ROBO4: variants seen among roughly 807,000 people sequenced by gnomAD.
ROBO4 encodes the protein roundabout guidance receptor 4.
ROBO4 carries 80 observed loss-of-function variants against 103.3 expected under a neutral mutation model. The observed-to-expected ratio is 0.77, with a 90% CI of 0.65 to 0.93. The LOEUF (loss-of-function observed/expected upper bound fraction) is 0.93. ROBO4 is among the 40% of genes least tolerant of loss of function. The probability of loss-of-function intolerance (pLI) is 0.00; values close to 1 mark genes in which losing one functional copy is unlikely to be tolerated. For synonymous variants in ROBO4, 504 were observed against 529.7 expected, an observed-to-expected ratio of 0.95 and a Z score of 0.67; for missense variants, 1,333 against 1,305.3, an observed-to-expected ratio of 1.02 and a Z score of -0.33.
At chr11:124,887,675 C>T in intron 13 of ROBO4, 58 bp downstream of exon 13, 1 of 1,568,512 alleles carries the variant, frequency 6.4e-7, no homozygotes, top group Non-Finnish European at 8.7e-7. Context: ...CTGGTAAGCC[C>T]CTGCATCCCT....
rs1946685768 is a variant in ROBO4 at position 124,884,888 on chromosome 11, G to T, written c.*3C>A. ...CCCGTCTGGGAAGTCTCAGGGACAC[G>T]GTTCAGGAGTAATCTACAGGAGAAG... On this transcript the variant is annotated 3_prime_UTR_variant, in exon 18 of 18. Transcript: ENST00000306534. 4 of 1,614,030 alleles carry T rather than the reference G, an allele frequency of 2.5e-6. No individual in the cohort carries two copies. The highest frequency in any genetic ancestry group is 1.7e-5 in the Admixed American group (1 of 59,998).
chr11:124,886,580 A>C lies in ROBO4; in HGVS notation c.2678T>G (p.Val893Gly). The change falls in exon 16 of 18, where the codon GTC becomes GGC. Residue 893 changes from valine (V) to glycine (G), a missense_variant. Physicochemically the swap from Val to Gly is moderately radical, Grantham distance 109. Coordinates refer to ENST00000306534, the MANE Select transcript of ROBO4 (RefSeq NM_019055.6). Reference sequence around the variant, plus strand: ...GAGGAAGGAGCCATCGGAGGAGCTGACAAGGCTGGCTCTGGCGCTGGCGGC... The same window carrying C: ...GAGGAAGGAGCCATCGGAGGAGCTGCCAAGGCTGGCTCTGGCGCTGGCGGC... ...DNAASARASL[V>G]SSSDGSFLAD... 1 of 1,614,216 alleles carries C rather than the reference A, an allele frequency of 6.2e-7. No individual in the cohort carries two copies. Among genetic ancestry groups the C allele is most frequent in the East Asian group, 2.2e-5 (1 of 44,884 alleles).
Position 124,897,072 on chromosome 11 carries a change from G to A in ROBO4, c.260C>T (p.Thr87Ile), listed in dbSNP as rs1490430936. The change falls in exon 2 of 18, where the codon ACC becomes ATC. Residue 87 changes from threonine (T) to isoleucine (I), a missense_variant. Coordinates refer to ENST00000306534, the MANE Select transcript of ROBO4 (RefSeq NM_019055.6). ...GGCAGGGGGCTGTAGCAGCAGAAGG[G>A]TCCCATCAGGCAGGAGGTGGTGTGG... ...PDPHHLLPDGTLLLLQPPARG... is the reference protein window; with the variant it reads ...PDPHHLLPDGILLLLQPPARG... The A allele has an allele frequency of 6.2e-7, 1 of 1,612,168 alleles. No individual in the cohort carries two copies. The highest frequency in any genetic ancestry group is 1.1e-5 in the South Asian group (1 of 90,808).
At chr11:124,887,645 G>T in intron 13 of ROBO4, 88 bp downstream of exon 13, 1 of 1,531,892 alleles carries the variant, frequency 6.5e-7, no homozygotes, top group Non-Finnish European at 8.9e-7. Context: ...AGGAGGATGA[G>T]CCCGTGGGAG....
At chr11:124,896,078 G>A (rs920196050) in intron 4 of ROBO4, 120 bp downstream of exon 4, 19 of 1,523,936 alleles carry the variant, frequency 1.2e-5, no homozygotes, top group African/African-American at 1.4e-5. Context: ...CTCCCGCTAC[G>A]TGAGACCCCC....
Position 124,897,771 on chromosome 11 carries a change from G to A in ROBO4, c.25C>T (p.Leu9=), listed in dbSNP as rs748898406. 7.4e-6 allele frequency: 12 copies of A among 1,613,800 alleles called. No homozygotes were observed. The highest frequency in any genetic ancestry group is 4.0e-5 in the African/African-American group (3 of 74,904). The part of the protein sequence containing the change: MGSGGDSL[L]GGRGSLPLLL... ...AGAGGCAGGGAACCCCTGCCCCCCAGGAGGCTGTCTCCTCCAGAGCCCATG... is the reference window on the plus strand; with the variant it reads ...AGAGGCAGGGAACCCCTGCCCCCCAAGAGGCTGTCTCCTCCAGAGCCCATG... Residue 9 remains leucine, a synonymous_variant, in exon 1 of 18, where the codon CTG becomes TTG. Transcript: ENST00000306534.
chr11:124,895,346 G>A lies in ROBO4; in HGVS notation c.1036+111C>T, dbSNP rs1035715157. ...CTGGCCAGGGCAGAAGGGAGTCCCA[G>A]GGTAGGACCCATAATCTCCCCTCAA... On this transcript the variant is annotated intron_variant, in intron 6 of 17. Transcript: ENST00000306534. 5.7e-6 allele frequency: 7 copies of A among 1,221,420 alleles called. No homozygotes were observed. The African/African-American group carries it at 1.1e-4, about 18-fold the overall frequency. 75.7% of individuals were successfully genotyped at this position (1,221,420 alleles called of 1,614,324 possible).
chr11:124,893,187 T>C (rs1338742248), intron 10 of ROBO4, among the ~76,000 whole-genome samples: 2 of 152,188 alleles, frequency 1.3e-5, no homozygotes, highest in African/African-American at 4.8e-5. Flanking sequence ...CAGCCGAATA[T>C]ACCGGAAGCA....
chr11:124,895,137 C>G lies in ROBO4; in HGVS notation c.1093G>C (p.Val365Leu), dbSNP rs750528291. ...TCAGCAGGTGGTGGGACCCAGCTCA[C>G]AAAGACAGTGCCATTGCCAGGCTTT... ...TLKPGNGTVF[V>L]SWVPPPAENH... The change falls in exon 7 of 18, where the codon GTG becomes CTG. Residue 365 changes from valine (V) to leucine (L), a missense_variant. Coordinates refer to ENST00000306534, the MANE Select transcript of ROBO4 (RefSeq NM_019055.6). The G allele has an allele frequency of 6.2e-7, 1 of 1,614,120 alleles. No individual in the cohort carries two copies. Among genetic ancestry groups the G allele is most frequent in the South Asian group, 1.1e-5 (1 of 91,080 alleles).
intron 4 of ROBO4, 140 bp downstream of exon 4, chr11:124,896,058 A>G: frequency 6.6e-7 from 1 of 1,512,436 alleles, no homozygotes; most frequent in Non-Finnish European, 8.9e-7. Context: ...CTACTCTAGC[A>G]GGGGGGAACC....
rs370226051 is a variant in ROBO4, at chr11:124,895,941, C to T, written c.680-29G>A. On this transcript the variant is annotated intron_variant, in intron 4 of 17. Coordinates refer to ENST00000306534, the MANE Select transcript of ROBO4 (RefSeq NM_019055.6). Reference sequence around the variant, plus strand: ...TGGGGAGGATAGGGCTGGGCTGGGGCTTATAGGCCAGAGTGACAGAACTGA... The same window carrying T: ...TGGGGAGGATAGGGCTGGGCTGGGGTTTATAGGCCAGAGTGACAGAACTGA... The T allele has an allele frequency of 1.4e-5, 22 of 1,611,758 alleles. No individual in the cohort carries two copies. In the African/African-American group the frequency reaches 2.3e-4, roughly 17 times the overall value.
chr11:124,896,060 G>A, intron 4 of ROBO4, 138 bp downstream of exon 4: 1 of 1,521,086 alleles, frequency 6.6e-7, no homozygotes, highest in Non-Finnish European at 8.9e-7. Flanking sequence ...ACTCTAGCAG[G>A]GGGGAACCTC....
chr11:124,891,158 G>T (rs944244593), intron 12 of ROBO4, 141 bp downstream of exon 12: 1 of 1,014,358 alleles, frequency 9.9e-7, no homozygotes, highest in East Asian at 2.7e-5. Context: ...AAGAGGTCTT[G>T]TGTCCACCTG....
chr11:124,894,095 C>A (rs754937499), intron 8 of ROBO4, 50 bp from the exon 9 acceptor site: 5 of 1,543,888 alleles, frequency 3.2e-6, no homozygotes, highest in Non-Finnish European at 4.4e-6. Flanking sequence ...GCATTGAGGG[C>A]CTGGCAGGCA....
chr11:124,887,081 C>G lies in ROBO4; in HGVS notation c.2331G>C (p.Leu777=), dbSNP rs762345598. The part of the protein sequence containing the change: ...LSGPSPASSR[L]SSSSLSSLGE... Reference sequence around the variant, plus strand: ...CCAGGGATGACAGTGAGGAGCTGGACAGGCGACTGGAAGCTGGGCTGGGGC... The same window carrying G: ...CCAGGGATGACAGTGAGGAGCTGGAGAGGCGACTGGAAGCTGGGCTGGGGC... The change falls in exon 15 of 18, where the codon CTG becomes CTC. Residue 777 remains leucine (L), a synonymous_variant. Coordinates refer to ENST00000306534, the MANE Select transcript of ROBO4 (RefSeq NM_019055.6). The G allele has an allele frequency of 1.2e-6, 2 of 1,613,762 alleles. No homozygotes were observed. Among genetic ancestry groups the G allele is most frequent in the Non-Finnish European group, 8.5e-7 (1 of 1,179,802 alleles).
At chr11:124,897,689 T>C in intron 1 of ROBO4, 37 bp downstream of exon 1, 1 of 1,601,748 alleles carries the variant, frequency 6.2e-7, no homozygotes, top group African/African-American at 1.3e-5. Flanking sequence ...AGGCCTTGGA[T>C]GGAGGAGCAT....
chr11:124,896,004 G>T, intron 4 of ROBO4, 92 bp from the exon 5 acceptor site: 2 of 1,571,810 alleles, frequency 1.3e-6, no homozygotes, highest in Non-Finnish European at 8.6e-7. Context: ...GAACCCCAGG[G>T]AACCCAAACT....
chr11:124,886,474 G>A lies in ROBO4; in HGVS notation c.2784C>T (p.Cys928=), dbSNP rs754985662. 8 of 1,612,342 alleles carry A rather than the reference G, an allele frequency of 5.0e-6. No homozygotes were observed. The highest frequency in any genetic ancestry group is 1.7e-5 in the Admixed American group (1 of 59,988). ...GGAGACCTCACATACCTATGAAGAC[G>A]CAGTCTGCCTCCCTGGGCTCTAGAC... ...GFGLEPREAD[C]VFIDASSPPS... is the part of the protein sequence containing the mutation. Residue 928 remains cysteine (C), a synonymous_variant, in exon 16 of 18, where the codon TGC becomes TGT. Coordinates refer to ENST00000306534, the MANE Select transcript of ROBO4 (RefSeq NM_019055.6).
chr11:124,897,415 G>T (rs1199352284), intron 1 of ROBO4, among the ~76,000 whole-genome samples, 154 bp from the exon 2 acceptor site: 1 of 152,166 alleles, frequency 6.6e-6, no homozygotes, highest in East Asian at 1.9e-4. Context: ...AGCCAGCTAG[G>T]AGGAGAGAGG....
Sources: gnomAD v4.1 joint callset for allele counts (sites outside exome capture counted in the v4.1 genomes callset) on GRCh38, gnomAD v4.1.1 for gene constraint, MANE v1.5 for transcripts, NCBI Gene and HGNC (gene_info 2026-07-23, HGNC 2026-07-21) for gene names.